Variants in NTNG1 observed in about 807,000 individuals in gnomAD.
NTNG1 encodes the protein netrin-G1.
A neutral mutation model predicts 54.0 loss-of-function variants in NTNG1; 16 were observed. That is an observed-to-expected ratio of 0.30 (90% CI 0.20 to 0.45). The LOEUF (loss-of-function observed/expected upper bound fraction) is 0.45, where lower values mean the gene tolerates loss of function less well. Among genes scored for constraint, NTNG1 ranks in the 20% least tolerant of loss-of-function variants. NTNG1 has a pLI of 1.00. For missense variants in NTNG1, 530 were observed against 678.7 expected (o/e 0.78, Z 2.43); for synonymous variants, 255 against 263.1 (o/e 0.97, Z 0.30).
At chr1:107,279,563 T>TTTCTGTTCCTGC (rs1557864980) in intron 2 of NTNG1, among the ~76,000 whole-genome samples, 5 of 152,200 alleles carry the variant, frequency 3.3e-5, no homozygotes, top group Non-Finnish European at 7.4e-5. Flanking sequence ...TCTGTTCCTG[T>TTTCTGTTCCTGC]AGAATGGCCT....
chr1:107,389,194 T>C (rs1406524305), intron 3 of NTNG1, among the ~76,000 whole-genome samples: 2 of 152,232 alleles, frequency 1.3e-5, no homozygotes, highest in African/African-American at 4.8e-5. Context: ...AAGCTAAACT[T>C]CATCCACTTC....
chr1:107,398,961 T>G (rs923773580), intron 4 of NTNG1, among the ~76,000 whole-genome samples: 1 of 152,172 alleles, frequency 6.6e-6, no homozygotes, highest in Non-Finnish European at 1.5e-5. Flanking sequence ...AACACATGTT[T>G]TTCTATATAT....
intron 2 of NTNG1, among the ~76,000 whole-genome samples, chr1:107,246,028 G>A (rs1662171694): frequency 1.3e-5 from 2 of 151,850 alleles, no homozygotes; most frequent in Non-Finnish European, 2.9e-5. Flanking sequence ...TGTTGCTATA[G>A]GAGATTTTAT....
At chr1:107,336,898 A>G (rs1332435511) in intron 3 of NTNG1, among the ~76,000 whole-genome samples, 2 of 152,060 alleles carry the variant, frequency 1.3e-5, no homozygotes, top group Non-Finnish European at 2.9e-5. Flanking sequence ...CATTAGGGAC[A>G]TGCAAGTCAA....
At chr1:107,268,936 A>C (rs1355140696) in intron 2 of NTNG1, among the ~76,000 whole-genome samples, 3 of 152,052 alleles carry the variant, frequency 2.0e-5, no homozygotes, top group African/African-American at 2.4e-5. Context: ...AGCCATTGTC[A>C]TCTCCCATGT....
At chr1:107,241,551 G>GT (rs917290990) in intron 2 of NTNG1, among the ~76,000 whole-genome samples, 9 of 152,170 alleles carry the variant, frequency 5.9e-5, no homozygotes, top group African/African-American at 1.7e-4. Flanking sequence ...ACTAAAAGTA[G>GT]TTTAGAGCGT....
At chr1:107,198,783 G>T (rs1251609855) in intron 2 of NTNG1, among the ~76,000 whole-genome samples, 3 of 151,748 alleles carry the variant, frequency 2.0e-5, no homozygotes, top group African/African-American at 7.3e-5. Flanking sequence ...AGGGCGTTTG[G>T]CTCTAAAATT....
intron 5 of NTNG1, among the ~76,000 whole-genome samples, chr1:107,418,405 G>GA (rs1674354130): frequency 6.6e-6 from 1 of 151,990 alleles, no homozygotes; most frequent in Non-Finnish European, 1.5e-5. Flanking sequence ...AATGTTTTGG[G>GA]AATCATCAAT....
intron 2 of NTNG1, among the ~76,000 whole-genome samples, chr1:107,268,414 G>T (rs181584362): frequency 6.6e-6 from 1 of 151,992 alleles, no homozygotes; most frequent in East Asian, 1.9e-4. Flanking sequence ...GGACTCAGTT[G>T]GTTACTCCTC....
chr1:107,140,977 C>T (rs892844847), upstream of NTNG1: 4 of 152,620 alleles, frequency 2.6e-5, no homozygotes, highest in Non-Finnish European at 5.9e-5. Flanking sequence ...CTCATCCTCT[C>T]TTCCTCTCCG....
intron 7 of NTNG1, among the ~76,000 whole-genome samples, chr1:107,452,141 A>G (rs550009714): frequency 6.6e-6 from 1 of 152,160 alleles, no homozygotes; most frequent in Non-Finnish European, 1.5e-5. Flanking sequence ...TAAACTACTA[A>G]GCACAACATC....
chr1:107,447,460 C>G (rs1466002826), intron 7 of NTNG1, among the ~76,000 whole-genome samples: 1 of 152,046 alleles, frequency 6.6e-6, no homozygotes, highest in Non-Finnish European at 1.5e-5. Context: ...TAAGTCTTTC[C>G]TGAAATATTA....
At chr1:107,297,583 T>G (rs181389969) in intron 2 of NTNG1, among the ~76,000 whole-genome samples, 2 of 152,100 alleles carry the variant, frequency 1.3e-5, no homozygotes, top group Non-Finnish European at 2.9e-5. Context: ...GTGATTCTTA[T>G]GTGCTCTATG....
At chr1:107,303,075 T>G (rs1005514986) in intron 2 of NTNG1, among the ~76,000 whole-genome samples, 8 of 152,324 alleles carry the variant, frequency 5.3e-5, no homozygotes, top group Admixed American at 3.3e-4. Flanking sequence ...AAAAGAAGGC[T>G]AGCAATAAGG....
intron 2 of NTNG1, among the ~76,000 whole-genome samples, chr1:107,149,636 T>C (rs531772614): frequency 6.6e-6 from 1 of 152,204 alleles, no homozygotes; most frequent in Non-Finnish European, 1.5e-5. Flanking sequence ...AAAGGTAATA[T>C]TGGAGTAACA....
intron 2 of NTNG1, among the ~76,000 whole-genome samples, chr1:107,190,445 A>C (rs1657817553): frequency 6.6e-6 from 1 of 152,074 alleles, no homozygotes; most frequent in African/African-American, 2.4e-5. Context: ...TTATTATTAT[A>C]CTTTAAGTTT....
chr1:107,144,342 TC>T (rs1653952306), intron 1 of NTNG1, among the ~76,000 whole-genome samples: 1 of 152,058 alleles, frequency 6.6e-6, no homozygotes, highest in African/African-American at 2.4e-5. Context: ...GAGGAATGAG[TC>T]AATAGTTGTG....
chr1:107,459,511 A>G (rs1677149788), intron 7 of NTNG1, among the ~76,000 whole-genome samples: 1 of 152,232 alleles, frequency 6.6e-6, no homozygotes, highest in Admixed American at 6.5e-5. Flanking sequence ...AGGCAGGGGT[A>G]AAAAATAAAA....
At chr1:107,366,677 T>C (rs1022554135) in intron 3 of NTNG1, among the ~76,000 whole-genome samples, 1 of 152,216 alleles carries the variant, frequency 6.6e-6, no homozygotes, top group African/African-American at 2.4e-5. Flanking sequence ...TAGGACAAAA[T>C]GAAATCTTCC....
Sources: gnomAD v4.1 joint callset for allele counts (sites outside exome capture counted in the v4.1 genomes callset) on GRCh38, gnomAD v4.1.1 for gene constraint, MANE v1.5 for transcripts, NCBI Gene and HGNC (gene_info 2026-07-23, HGNC 2026-07-21) for gene names.